TRMT11: variants seen among roughly 807,000 people sequenced by gnomAD.
The protein encoded by TRMT11 is tRNA (guanine(10)-N(2))-methyltransferase TRMT11.
Under a neutral mutation model 62.8 loss-of-function variants are expected in TRMT11, and 53 were observed. That is an observed-to-expected ratio of 0.84 (90% CI 0.68 to 1.06). The LOEUF is 1.06. Among genes scored for constraint, TRMT11 ranks in the 50% least tolerant of loss-of-function variants. The pLI is 0.00. For synonymous variants in TRMT11, 188 were observed against 190.3 expected (o/e 0.99, Z 0.10); for missense variants, 556 against 553.4 (o/e 1.00, Z -0.05).
chr6:126,214,103 A>T, the TRMT11 span, among the ~76,000 whole-genome samples: 2 of 150,696 alleles, frequency 1.3e-5, no homozygotes, highest in Admixed American at 6.6e-5. Flanking sequence ...CTTGATCATG[A>T]TGGAGTGATC....
upstream of TRMT11, among the ~76,000 whole-genome samples, chr6:126,172,536 T>G (rs1778342027): frequency 6.6e-6 from 1 of 152,218 alleles, no homozygotes; most frequent in African/African-American, 2.4e-5. Flanking sequence ...AAATATTTCC[T>G]CACAGATTTA....
intron 17 of TRMT11, among the ~76,000 whole-genome samples, chr6:126,063,337 C>T (rs762054884): frequency 1.3e-5 from 2 of 152,118 alleles, no homozygotes; most frequent in African/African-American, 2.4e-5. Context: ...CCAGACTATA[C>T]CATGTTGTAC....
chr6:126,214,787 G>T, the TRMT11 span, among the ~76,000 whole-genome samples: 2 of 151,522 alleles, frequency 1.3e-5, no homozygotes, highest in Non-Finnish European at 2.9e-5. Flanking sequence ...TGTTTGGTTT[G>T]CTCTTGCTTT....
intron 12 of TRMT11, among the ~76,000 whole-genome samples, chr6:126,032,702 C>T (rs1362302638): frequency 1.3e-5 from 2 of 152,152 alleles, no homozygotes; most frequent in Non-Finnish European, 2.9e-5. Context: ...TCTGGATGTA[C>T]ATTGTTTAAT....
chr6:126,206,405 C>G (rs1262268899), downstream of TRMT11, among the ~76,000 whole-genome samples: 2 of 152,078 alleles, frequency 1.3e-5, no homozygotes, highest in East Asian at 3.9e-4. Context: ...ACAAGTTCCC[C>G]GGTTATGTCA....
chr6:126,052,849 A>G (rs902751826), intron 16 of TRMT11, among the ~76,000 whole-genome samples: 2 of 152,318 alleles, frequency 1.3e-5, no homozygotes, highest in South Asian at 2.1e-4. Flanking sequence ...AAACAGGAGA[A>G]CCATGTTTTT....
Position 126,154,896 on chromosome 6 carries a change from C to T in TRMT11, c.*1824-19929C>T, listed in dbSNP as rs577012355. Among the ~76,000 whole-genome samples, 82 of 152,252 alleles carry T rather than the reference C, an allele frequency of 5.4e-4. 1 individual carries two copies. Among genetic ancestry groups the T allele is most frequent in the South Asian group, 8.3e-4 (4 of 4,824 alleles). On this transcript the variant is annotated intron_variant and NMD_transcript_variant, in intron 21 of 22. Coordinates refer to the TRMT11 transcript ENST00000648977. ...TCGTGCACCCTTGATTTTGAGATTC[C>T]TGATCAATGTTGATGGACTGTTTTA... is the stretch of plus-strand genomic sequence containing the variant.
At chr6:126,245,409 G>A in the TRMT11 span, among the ~76,000 whole-genome samples, 1 of 152,220 alleles carries the variant, frequency 6.6e-6, no homozygotes, top group African/African-American at 2.4e-5. Flanking sequence ...TCTACGTCCA[G>A]TATCAAAAGT....
chr6:126,141,474 AAT>A (rs1777915885), intron 21 of TRMT11, among the ~76,000 whole-genome samples: 1 of 152,142 alleles, frequency 6.6e-6, no homozygotes, highest in African/African-American at 2.4e-5. Context: ...TTCAAGCATG[AAT>A]ATATAGGTTG....
chr6:126,195,352 A>G (rs748366852), intron 1 of TRMT11, among the ~76,000 whole-genome samples: 2 of 152,234 alleles, frequency 1.3e-5, no homozygotes, highest in Non-Finnish European at 2.9e-5. Flanking sequence ...TTATGTTCAC[A>G]CATAAATTGC....
At chr6:126,042,989 G>A (rs1490279195), downstream of TRMT11, among the ~76,000 whole-genome samples, 1 of 151,988 alleles carries the variant, frequency 6.6e-6, no homozygotes, top group Non-Finnish European at 1.5e-5. Context: ...AAGTTGGAGT[G>A]ACTTCTGCAC....
downstream of TRMT11, among the ~76,000 whole-genome samples, chr6:126,207,140 T>C (rs902673966): frequency 2.0e-5 from 3 of 152,214 alleles, no homozygotes; most frequent in African/African-American, 4.8e-5. Context: ...TGTGGTTCTT[T>C]GCCCAACATT....
chr6:126,129,970 T>G (rs987002462), intron 21 of TRMT11, among the ~76,000 whole-genome samples: 12 of 152,030 alleles, frequency 7.9e-5, no homozygotes, highest in African/African-American at 2.9e-4. Flanking sequence ...TAGAACTCAT[T>G]AGTACAATAG....
rs920683015 is a variant in TRMT11, at chr6:126,149,129, G to A, written c.*1824-25696G>A. 1.3e-5 allele frequency among the ~76,000 whole-genome samples: 2 copies of A among 152,328 alleles called. 1 individual carries two copies. The highest frequency in any genetic ancestry group is 4.8e-5 in the African/African-American group (2 of 41,584). ...AGAATCTGCAAGACAGCATTTTGGT[G>A]AGTGCTAATCTTTTGATTTAGGGCC... On this transcript the variant is annotated intron_variant and NMD_transcript_variant, in intron 21 of 22. Coordinates refer to the TRMT11 transcript ENST00000648977.
intron 17 of TRMT11, among the ~76,000 whole-genome samples, chr6:126,102,971 TAGAGAATGGC>T (rs1777419431): frequency 6.6e-6 from 1 of 152,214 alleles, no homozygotes; most frequent in Non-Finnish European, 1.5e-5. Flanking sequence ...GTTCATCCCA[TAGAGAATGGC>T]ATTTTCATTT....
chr6:126,097,821 G>A (rs1777357322), intron 17 of TRMT11, among the ~76,000 whole-genome samples: 2 of 152,056 alleles, frequency 1.3e-5, no homozygotes, highest in African/African-American at 4.8e-5. Context: ...CTTGGGGCAG[G>A]GGCTGGGGTT....
intron 17 of TRMT11, among the ~76,000 whole-genome samples, chr6:126,096,063 A>G (rs1421246689): frequency 6.6e-6 from 1 of 152,196 alleles, no homozygotes; most frequent in Non-Finnish European, 1.5e-5. Context: ...TCTGCAGAAA[A>G]TGAAGAGCTA....
At chr6:126,170,829 A>G (rs749044652) in intron 21 of TRMT11, among the ~76,000 whole-genome samples, 8 of 152,342 alleles carry the variant, frequency 5.3e-5, no homozygotes, top group Admixed American at 2.0e-4. Context: ...AAATATTTTA[A>G]TAAGTGAAAA....
chr6:126,263,658 G>T, the TRMT11 span, among the ~76,000 whole-genome samples: 3 of 152,186 alleles, frequency 2.0e-5, no homozygotes, highest in Non-Finnish European at 4.4e-5. Flanking sequence ...AACTTTATCT[G>T]AACCCTCTGA....
Sources: gnomAD v4.1 joint callset for allele counts (sites outside exome capture counted in the v4.1 genomes callset) on GRCh38, gnomAD v4.1.1 for gene constraint, MANE v1.5 for transcripts, NCBI Gene and HGNC (gene_info 2026-07-23, HGNC 2026-07-21) for gene names.